Variants in PPP2R3A observed in about 807,000 individuals in gnomAD.
The protein encoded by PPP2R3A is protein phosphatase 2 regulatory subunit B''alpha, also known as serine/threonine-protein phosphatase 2A regulatory subunit B'' subunit alpha.
Under a neutral mutation model 106.9 loss-of-function variants are expected in PPP2R3A, and 80 were observed. The observed-to-expected ratio is 0.75, with a 90% CI of 0.62 to 0.90. The LOEUF (loss-of-function observed/expected upper bound fraction) is 0.90, where lower values mean the gene tolerates loss of function less well. PPP2R3A is among the 40% of genes least tolerant of loss of function. The pLI, the probability that PPP2R3A is intolerant of heterozygous loss-of-function variation, is 0.00. For missense variants in PPP2R3A, 1,386 were observed against 1,350.4 expected, an observed-to-expected ratio of 1.03 and a Z score of -0.41; for synonymous variants, 483 against 468.3, an observed-to-expected ratio of 1.03 and a Z score of -0.41.
In PPP2R3A at chr3:135,977,862, G is replaced by A. The variant is rs567763928; in HGVS notation, c.-441+12013G>A. On this transcript the variant is annotated intron_variant, in intron 1 of 13. Transcript: ENST00000264977. ...CTATAGGTGTGAGCCACCACTGCCCGGCTAATATTTGTGTTTTTGTAGAGA... is the reference window on the plus strand; with the variant it reads ...CTATAGGTGTGAGCCACCACTGCCCAGCTAATATTTGTGTTTTTGTAGAGA... 1.5e-3 allele frequency among the ~76,000 whole-genome samples: 235 copies of A among 151,638 alleles called. 2 individuals carry two copies. The highest frequency in any genetic ancestry group is 0.01 in the Middle Eastern group (3 of 294).
chr3:136,086,469 G>A (rs1055227814), intron 8 of PPP2R3A, among the ~76,000 whole-genome samples: 16 of 152,012 alleles, frequency 1.1e-4, no homozygotes, highest in African/African-American at 3.6e-4. Flanking sequence ...GCGACAGAGC[G>A]AGAAGGGGCC....
intron 3 of PPP2R3A, among the ~76,000 whole-genome samples, chr3:136,037,316 A>G (rs562125039): frequency 2.0e-5 from 3 of 152,350 alleles, no homozygotes; most frequent in African/African-American, 7.2e-5. Context: ...ACGTTTTTCC[A>G]CAGCTTTAAG....
At position 136,146,922 on chromosome 3, in the gene PPP2R3A, A is replaced by G. The variant is rs779590642; in HGVS notation, c.*1756A>G. 6.6e-6 allele frequency: 1 copy of G among 151,642 alleles called. No individual in the cohort carries two copies. Among genetic ancestry groups the G allele is most frequent in the Non-Finnish European group, 1.5e-5 (1 of 67,924 alleles). The allele number at this position is 151,642 out of a possible 1,614,324, so 9.4% of individuals were successfully genotyped here. A position where few individuals can be genotyped will look rare whatever the true frequency, so the allele number is the denominator to read the frequency against. ...CCAGATATGGTTTAAATGTTTTATT[A>G]TCCATAATGATCTAAACTAATAAGA... On this transcript the variant is annotated 3_prime_UTR_variant, in exon 14 of 14. Transcript: ENST00000264977.
At chr3:135,966,288 G>T (rs1490966719) in intron 1 of PPP2R3A, among the ~76,000 whole-genome samples, 5 of 152,208 alleles carry the variant, frequency 3.3e-5, no homozygotes, top group Non-Finnish European at 7.3e-5. Context: ...ACGTCGTTAG[G>T]CGCTGAGGCT....
chr3:136,106,382 T>G lies in PPP2R3A; in HGVS notation c.3329+60T>G, dbSNP rs976345765. ...AACAGGAATGCGCATGTCCAGAGTA[T>G]TAAAACCCCCTTACAAAATCCTTTT... On this transcript the variant is annotated intron_variant, in intron 13 of 13. Coordinates refer to ENST00000264977, the MANE Select transcript of PPP2R3A (RefSeq NM_002718.5). 3 of 1,380,952 alleles carry G rather than the reference T, an allele frequency of 2.2e-6. No individual in the cohort carries two copies. The African/African-American group carries it at 4.4e-5, about 20-fold the overall frequency. The allele number at this position is 1,380,952 out of a possible 1,614,324, so 85.5% of individuals were successfully genotyped here. A position where few individuals can be genotyped will look rare whatever the true frequency, so the allele number is the denominator to read the frequency against.
chr3:136,070,565 A>G lies in PPP2R3A; in HGVS notation c.2544+13A>G, dbSNP rs1191655500. 2 of 1,593,774 alleles carry G rather than the reference A, an allele frequency of 1.3e-6. No homozygotes were observed. Among genetic ancestry groups the G allele is most frequent in the African/African-American group, 1.4e-5 (1 of 73,830 alleles). On this transcript the variant is annotated intron_variant, in intron 6 of 13. Transcript: ENST00000264977. ...CTACATCACCACGGTAGGCTGAGTC[A>G]TCTTTTTTCTTAATATAACTCCATA...
intron 7 of PPP2R3A, chr3:136,079,290 TG>T (rs113132808): frequency 2.7e-6 from 1 of 364,656 alleles, no homozygotes. Flanking sequence ...GTAGGTAATA[TG>T]GGATGGGTTA....
intron 5 of PPP2R3A, among the ~76,000 whole-genome samples, chr3:136,050,774 T>C (rs1260003955): frequency 6.6e-6 from 1 of 152,154 alleles, no homozygotes; most frequent in Non-Finnish European, 1.5e-5. Context: ...CCTTATGCTT[T>C]CCTATCTCTG....
At chr3:136,131,392 G>A (rs895691034) in intron 13 of PPP2R3A, among the ~76,000 whole-genome samples, 2 of 152,206 alleles carry the variant, frequency 1.3e-5, no homozygotes, top group Non-Finnish European at 2.9e-5. Flanking sequence ...CACCTATGCA[G>A]CCAACAGACA....
At chr3:136,029,665 A>G (rs561634089) in intron 3 of PPP2R3A, among the ~76,000 whole-genome samples, 10 of 152,182 alleles carry the variant, frequency 6.6e-5, no homozygotes, top group Non-Finnish European at 1.3e-4. Context: ...TAGAAAACTA[A>G]TTTGTTTAGC....
intron 13 of PPP2R3A, among the ~76,000 whole-genome samples, chr3:136,129,477 A>C (rs1450992560): frequency 6.6e-6 from 1 of 152,214 alleles, no homozygotes; most frequent in Non-Finnish European, 1.5e-5. Flanking sequence ...GAAGAAGTTG[A>C]GTCTCTGAAT....
chr3:136,079,647 T>G (rs986824875), intron 7 of PPP2R3A, among the ~76,000 whole-genome samples: 1 of 152,024 alleles, frequency 6.6e-6, no homozygotes, highest in Non-Finnish European at 1.5e-5. Context: ...GACCTCATGA[T>G]CCACCTGCCT....
rs1315947773 is a variant in PPP2R3A, at chr3:136,146,899, A to G, written c.*1733A>G. 6.6e-6 allele frequency: 1 copy of G among 152,048 alleles called. No homozygotes were observed. 9.4% of individuals were successfully genotyped at this position (152,048 alleles called of 1,614,324 possible). ...AAAAAAAATACTTTTCTTAGAAGCC[A>G]GATATGGTTTAAATGTTTTATTATC... On this transcript the variant is annotated 3_prime_UTR_variant, in exon 14 of 14. Coordinates refer to ENST00000264977, the MANE Select transcript of PPP2R3A (RefSeq NM_002718.5).
intron 2 of PPP2R3A, among the ~76,000 whole-genome samples, chr3:136,018,716 G>A (rs975144221): frequency 4.6e-5 from 7 of 152,082 alleles, no homozygotes; most frequent in Middle Eastern, 3.4e-3. Context: ...ATCTTTTCTC[G>A]CTTGGGATAT....
At chr3:135,992,040 A>G (rs1933187959) in intron 1 of PPP2R3A, among the ~76,000 whole-genome samples, 1 of 152,110 alleles carries the variant, frequency 6.6e-6, no homozygotes, top group African/African-American at 2.4e-5. Flanking sequence ...TTTCTCAACT[A>G]TATTAATTTT....
chr3:136,055,800 T>C, intron 5 of PPP2R3A: 1 of 557,570 alleles, frequency 1.8e-6, no homozygotes, highest in Non-Finnish European at 3.2e-6. Flanking sequence ...CTGATATAAA[T>C]AAATGATTGG....
At chr3:136,061,396 G>C (rs974224146) in intron 5 of PPP2R3A, among the ~76,000 whole-genome samples, 1 of 152,140 alleles carries the variant, frequency 6.6e-6, no homozygotes, top group African/African-American at 2.4e-5. Flanking sequence ...GGGAAGCCAA[G>C]GCGGGCGGAT....
At chr3:135,987,077 C>G (rs577310734) in intron 1 of PPP2R3A, among the ~76,000 whole-genome samples, 1 of 152,244 alleles carries the variant, frequency 6.6e-6, no homozygotes, top group East Asian at 1.9e-4. Context: ...ACTTAACATT[C>G]AGGAACAGAG....
At chr3:136,008,823 G>T (rs1933940879) in intron 2 of PPP2R3A, among the ~76,000 whole-genome samples, 1 of 152,028 alleles carries the variant, frequency 6.6e-6, no homozygotes, top group Non-Finnish European at 1.5e-5. Flanking sequence ...AACCCAGCTT[G>T]CTCCATTAAG....
Sources: gnomAD v4.1 joint callset for allele counts (sites outside exome capture counted in the v4.1 genomes callset) on GRCh38, gnomAD v4.1.1 for gene constraint, MANE v1.5 for transcripts, NCBI Gene and HGNC (gene_info 2026-07-23, HGNC 2026-07-21) for gene names.